The following CDH4 variants were observed in gnomAD, a reference collection of about 807,000 sequenced individuals.
The protein encoded by CDH4 is cadherin 4, also known as cadherin-4.
CDH4 carries 33 observed loss-of-function variants against 86.0 expected under a neutral mutation model. That is an observed-to-expected ratio of 0.38 (90% CI 0.29 to 0.51). CDH4 has a LOEUF of 0.51. Ranked by LOEUF, CDH4 falls within the 20% of genes least tolerant of loss-of-function variation. The pLI, the probability that CDH4 is intolerant of heterozygous loss-of-function variation, is 0.86. For missense variants in CDH4, 1,114 were observed against 1,307.4 expected (o/e 0.85, Z 2.28); for synonymous variants, 555 against 549.4 (o/e 1.01, Z -0.14).
intron 2 of CDH4, among the ~76,000 whole-genome samples, chr20:61,722,961 G>T (rs953571075): frequency 4.6e-5 from 7 of 152,176 alleles, no homozygotes; most frequent in Non-Finnish European, 1.0e-4. Context: ...ACAGGATTTG[G>T]ATCAGGAACG....
intron 4 of CDH4, among the ~76,000 whole-genome samples, chr20:61,775,281 A>G (rs1201182540): frequency 6.6e-6 from 1 of 152,162 alleles, no homozygotes; most frequent in Non-Finnish European, 1.5e-5. Flanking sequence ...AGGACCAACC[A>G]GAGATTCCTC....
At chr20:61,317,858 A>G (rs1027137465) in intron 2 of CDH4, among the ~76,000 whole-genome samples, 8 of 152,236 alleles carry the variant, frequency 5.3e-5, no homozygotes, top group African/African-American at 1.9e-4. Context: ...GAGTTTCCTC[A>G]AGGGACATGT....
intron 2 of CDH4, among the ~76,000 whole-genome samples, chr20:61,379,611 C>T (rs1246337736): frequency 3.3e-5 from 5 of 152,206 alleles, no homozygotes; most frequent in Admixed American, 1.3e-4. Flanking sequence ...CCAGTATAAC[C>T]ATCACACTTT....
intron 6 of CDH4, among the ~76,000 whole-genome samples, chr20:61,865,044 A>C (rs1461117905): frequency 2.0e-5 from 3 of 151,908 alleles, no homozygotes; most frequent in East Asian, 1.9e-4. Flanking sequence ...CGTGAACTTC[A>C]ATCTGTGTGC....
intron 2 of CDH4, among the ~76,000 whole-genome samples, chr20:61,739,589 A>C (rs2088308468): frequency 6.6e-6 from 1 of 152,248 alleles, no homozygotes; most frequent in South Asian, 2.1e-4. Flanking sequence ...AGAAACCACC[A>C]GTTACAACCT....
intron 2 of CDH4, among the ~76,000 whole-genome samples, chr20:61,723,551 A>C (rs2088068047): frequency 6.6e-6 from 1 of 152,086 alleles, no homozygotes; most frequent in Non-Finnish European, 1.5e-5. Context: ...TTCCATCCTC[A>C]CTTTACAGAT....
chr20:61,800,332 G>A (rs966838632), intron 4 of CDH4, among the ~76,000 whole-genome samples: 10 of 152,206 alleles, frequency 6.6e-5, no homozygotes, highest in African/African-American at 2.2e-4. Context: ...CTGCGTAGCC[G>A]ACTCTTTGCC....
rs892717273 is a variant in CDH4, at chr20:61,444,405, G to C, written c.169+189468G>C. 1.1e-4 allele frequency among the ~76,000 whole-genome samples: 15 copies of C among 142,452 alleles called. No individual in the cohort carries two copies. The East Asian group carries it at 3.2e-3, about 30-fold the overall frequency. The allele number at this position is 142,452 out of a possible 152,430, so 93.5% of individuals were successfully genotyped here. ...TCTATGTGTGTCTGTGTGTGTATTT[G>C]TGTGTATCTGTATATATGTGTATGT... On this transcript the variant is annotated intron_variant, in intron 2 of 15. Transcript: ENST00000614565.
At chr20:61,416,595 CTCAGAGTATTAA>C (rs1249863979) in intron 2 of CDH4, among the ~76,000 whole-genome samples, 1 of 152,312 alleles carries the variant, frequency 6.6e-6, no homozygotes, top group Admixed American at 6.5e-5. Context: ...TGTAAAAATA[CTCAGAGTATTAA>C]TCAGGTATTT....
rs2084126899 is a variant in CDH4, at chr20:61,261,376, T to A, written c.169+6439T>A. 3.3e-5 allele frequency among the ~76,000 whole-genome samples: 5 copies of A among 152,210 alleles called. No homozygotes were observed. In the South Asian group the frequency reaches 1.0e-3, roughly 31 times the overall value. On this transcript the variant is annotated intron_variant, in intron 2 of 15. Transcript: ENST00000614565. ...ACTCACTGACGCTGTGACTTAAAGA[T>A]TCAGGTTTTGCGTTTGAGAAATATG...
chr20:61,671,487 C>A (rs538557859), intron 2 of CDH4, among the ~76,000 whole-genome samples: 1 of 151,904 alleles, frequency 6.6e-6, no homozygotes, highest in African/African-American at 2.4e-5. Flanking sequence ...CAGAGTGAGA[C>A]CTGGTCTCTA....
chr20:61,428,036 C>T (rs2085224242), intron 2 of CDH4, among the ~76,000 whole-genome samples: 1 of 152,134 alleles, frequency 6.6e-6, no homozygotes. Flanking sequence ...TGGTATTCCC[C>T]CAGACCTTGC....
At chr20:61,742,162 A>G (rs7274662) in intron 2 of CDH4, among the ~76,000 whole-genome samples, 35,271 of 151,808 alleles carry the variant, frequency 0.23, 4,547 homozygotes, top group African/African-American at 0.34. Flanking sequence ...CGTCCTTAGA[A>G]GGGGAACAGA....
chr20:61,702,433 A>G (rs1160119173), intron 2 of CDH4, among the ~76,000 whole-genome samples: 1 of 152,140 alleles, frequency 6.6e-6, no homozygotes, highest in Admixed American at 6.5e-5. Flanking sequence ...TTGCTCTGTA[A>G]AAAGACGACA....
intron 2 of CDH4, among the ~76,000 whole-genome samples, chr20:61,649,681 T>C (rs13045751): frequency 0.37 from 56,665 of 151,968 alleles, 11,494 homozygotes; most frequent in Non-Finnish European, 0.46. Flanking sequence ...CTTTGGAAGA[T>C]TGGATATTTG....
At chr20:61,360,240 C>G (rs2084776379) in intron 2 of CDH4, among the ~76,000 whole-genome samples, 1 of 152,138 alleles carries the variant, frequency 6.6e-6, no homozygotes, top group Non-Finnish European at 1.5e-5. Flanking sequence ...AGCTGTCAGA[C>G]AATGAAAAAG....
At chr20:61,751,831 G>A (rs1157704173) in intron 3 of CDH4, among the ~76,000 whole-genome samples, 1 of 152,096 alleles carries the variant, frequency 6.6e-6, no homozygotes, top group Non-Finnish European at 1.5e-5. Flanking sequence ...AATGATGCTG[G>A]GCCAATGGGG....
chr20:61,535,758 G>A (rs72629016), intron 2 of CDH4, among the ~76,000 whole-genome samples: 13,698 of 151,904 alleles, frequency 0.09, 826 homozygotes, highest in East Asian at 0.34. Context: ...CGGTCCTTTG[G>A]GCGTTTGAAT....
Position 61,874,872 on chromosome 20 carries a change from G to A in CDH4, c.1050+972G>A, listed in dbSNP as rs536675591. ...GCTCACAGCCAGTGCAGCCCTGCCCGCGGGAGGCTTGTTTCCAGAGGCCAC... is the reference window on the plus strand; with the variant it reads ...GCTCACAGCCAGTGCAGCCCTGCCCACGGGAGGCTTGTTTCCAGAGGCCAC... On this transcript the variant is annotated intron_variant, in intron 7 of 15. Coordinates refer to ENST00000614565, the MANE Select transcript of CDH4 (RefSeq NM_001794.5). Among the ~76,000 whole-genome samples the A allele has an allele frequency of 7.2e-5, 11 of 152,332 alleles. No individual in the cohort carries two copies. In the East Asian group the frequency reaches 9.6e-4, roughly 13 times the overall value.
Sources: gnomAD v4.1 joint callset for allele counts (sites outside exome capture counted in the v4.1 genomes callset) on GRCh38, gnomAD v4.1.1 for gene constraint, MANE v1.5 for transcripts, NCBI Gene and HGNC (gene_info 2026-07-23, HGNC 2026-07-21) for gene names.